SIGLEC15: variants seen among roughly 807,000 people sequenced by gnomAD.
SIGLEC15 encodes the protein sialic acid-binding Ig-like lectin 15.
Under a neutral mutation model 26.2 loss-of-function variants are expected in SIGLEC15, and 31 were observed. That is an observed-to-expected ratio of 1.18 (90% CI 0.89 to 1.60). The LOEUF (loss-of-function observed/expected upper bound fraction) is 1.60. SIGLEC15 is among the 40% of genes most tolerant of loss of function. SIGLEC15 has a pLI of 0.00. For missense variants in SIGLEC15, 501 were observed against 488.4 expected, an observed-to-expected ratio of 1.03 and a Z score of -0.24; for synonymous variants, 207 against 221.9, an observed-to-expected ratio of 0.93 and a Z score of 0.60.
intron 1 of SIGLEC15, among the ~76,000 whole-genome samples, chr18:45,835,815 C>T (rs545439167): frequency 6.6e-6 from 1 of 152,278 alleles, no homozygotes; most frequent in East Asian, 1.9e-4. Flanking sequence ...ACCTAGAGCA[C>T]ACACCTGGAG....
chr18:45,839,234 T>G, intron 4 of SIGLEC15, 139 bp downstream of exon 4: 1 of 1,201,908 alleles, frequency 8.3e-7, no homozygotes, highest in Non-Finnish European at 1.1e-6. Context: ...CTTTCCTCTC[T>G]TTGCATGAAG....
At chr18:45,838,392 C>G (rs933170956) in intron 3 of SIGLEC15, 6 of 451,588 alleles carry the variant, frequency 1.3e-5, no homozygotes, top group Admixed American at 4.2e-5. Context: ...CTCTAGCCCC[C>G]ACCCTGCTCT....
At chr18:45,828,973 G>C in intron 1 of SIGLEC15, 4 of 425,714 alleles carry the variant, frequency 9.4e-6, no homozygotes, top group Non-Finnish European at 1.3e-5. Context: ...TCTCCCAGTG[G>C]CTGTTGTGAG....
At chr18:45,840,104 C>T in intron 4 of SIGLEC15, 107 bp from the exon 5 acceptor site, 1 of 1,271,896 alleles carries the variant, frequency 7.9e-7, no homozygotes. Flanking sequence ...GCTTCAAAAA[C>T]AGTGGTTTCC....
chr18:45,838,993 G>T lies in SIGLEC15; in HGVS notation c.772G>T (p.Ala258Ser), dbSNP rs780619857. 6.3e-7 allele frequency: 1 copy of T among 1,597,094 alleles called. No individual in the cohort carries two copies. The highest frequency in any genetic ancestry group is 1.7e-5 in the Admixed American group (1 of 59,404). Residue 258 changes from alanine (A) to serine (S), a missense_variant, in exon 4 of 6, where the codon GCC (alanine) becomes TCC (serine). Physicochemically the swap from Ala to Ser is moderately conservative, Grantham distance 99. Coordinates refer to ENST00000389474, the MANE Select transcript of SIGLEC15 (RefSeq NM_213602.3). The part of the protein sequence containing the change: ...ASVYLFRFHG[A>S]SGASTVALLL... ...CGTCTACCTGTTCCGCTTCCATGGCGCCAGCGGGGCCTCGACGGTCGCCCT... is the reference window on the plus strand; with the variant it reads ...CGTCTACCTGTTCCGCTTCCATGGCTCCAGCGGGGCCTCGACGGTCGCCCT...
In SIGLEC15 at chr18:45,828,115, G is replaced by C. The variant is rs530645418; in HGVS notation, c.52+2335G>C. Among the ~76,000 whole-genome samples, 3 of 152,292 alleles carry C rather than the reference G, an allele frequency of 2.0e-5. No individual in the cohort carries two copies. In the South Asian group the frequency reaches 6.2e-4, roughly 32 times the overall value. ...CTCAGCCAGAAGACATCCAGGCCAC[G>C]GCCTGGGCAGGAGGCCCGAGGAGCA... On this transcript the variant is annotated intron_variant, in intron 1 of 5. Coordinates refer to ENST00000389474, the MANE Select transcript of SIGLEC15 (RefSeq NM_213602.3).
At position 45,837,059 on chromosome 18, in the gene SIGLEC15, C is replaced by T. The variant is rs1465209835; in HGVS notation, c.83C>T (p.Thr28Met). ...GSFVRTKIDT[T>M]ENLLNTEVHS... ...TTTGTGAGAACTAAAATAGATACTA[C>T]GGAGAACTTGCTCAACACAGAGGTG... Residue 28 changes from threonine (T) to methionine (M), a missense_variant, in exon 2 of 6, where the codon ACG (threonine) becomes ATG (methionine). By Grantham distance (81) the Thr-to-Met change is moderately conservative. Transcript: ENST00000389474. 8 of 1,568,944 alleles carry T rather than the reference C, an allele frequency of 5.1e-6. No individual in the cohort carries two copies. The highest frequency in any genetic ancestry group is 7.0e-6 in the Non-Finnish European group (8 of 1,139,206).
rs78592672 is a variant in SIGLEC15, at chr18:45,838,753, A to G, written c.532A>G (p.Ser178Gly). 8.0e-3 allele frequency: 12,710 copies of G among 1,582,662 alleles called. 478 individuals are homozygous for G. In the African/African-American group the frequency reaches 0.11, roughly 14 times the overall value. The change falls in exon 4 of 6, where the codon AGT becomes GGT. Residue 178 changes from serine (S) to glycine (G), a missense_variant. Transcript: ENST00000389474. ...PRIVNISVLPSPAHAFRALCT... is the reference protein window; with the variant it reads ...PRIVNISVLPGPAHAFRALCT... ...GATCGTCAACATCTCGGTGCTGCCCAGTCCGGCTCACGCCTTCCGCGCGCT... is the reference window on the plus strand; with the variant it reads ...GATCGTCAACATCTCGGTGCTGCCCGGTCCGGCTCACGCCTTCCGCGCGCT...
Position 45,842,290 on chromosome 18 carries a change from GC to G in SIGLEC15, c.*108del. 7.6e-7 allele frequency: 1 copy of G among 1,322,768 alleles called. No individual in the cohort carries two copies. The highest frequency in any genetic ancestry group is 1.1e-6 in the Non-Finnish European group (1 of 927,474). 81.9% of individuals were successfully genotyped at this position (1,322,768 alleles called of 1,614,324 possible). A position where few individuals can be genotyped will look rare whatever the true frequency, so the allele number is the denominator to read the frequency against. On this transcript the variant is annotated 3_prime_UTR_variant, in exon 6 of 6. Coordinates refer to ENST00000389474, the MANE Select transcript of SIGLEC15 (RefSeq NM_213602.3). Reference sequence around the variant, plus strand: ...GTCCTGGTTCTCGGGCACCTTGGCAGCCCCCAGCTGGGTGGCTCCTCCCCTG... The same window carrying G: ...GTCCTGGTTCTCGGGCACCTTGGCAGCCCCAGCTGGGTGGCTCCTCCCCTG...
rs199680905 is a variant in SIGLEC15, at chr18:45,825,723, C to T, written c.-6C>T. The T allele has an allele frequency of 3.8e-5, 62 of 1,614,088 alleles. No homozygotes were observed. The highest frequency in any genetic ancestry group is 4.9e-5 in the Non-Finnish European group (58 of 1,180,022). ...GTCTGGCCTGGGGTGTTCAGATGCT[C>T]ACAGCATGGAAAAGTCCATCTGGCT... On this transcript the variant is annotated 5_prime_UTR_variant, in exon 1 of 6. Transcript: ENST00000389474.
At chr18:45,828,350 C>A (rs1298836966) in intron 1 of SIGLEC15, among the ~76,000 whole-genome samples, 3 of 152,202 alleles carry the variant, frequency 2.0e-5, no homozygotes, top group African/African-American at 7.2e-5. Context: ...CAGTGCCCAG[C>A]AGCCCCTAAT....
chr18:45,838,419 C>T (rs2048294604), intron 3 of SIGLEC15: 1 of 491,882 alleles, frequency 2.0e-6, no homozygotes, highest in Non-Finnish European at 3.5e-6. Context: ...ATAATGGCCA[C>T]TTAGCATTTG....
rs1262830353 is a variant in SIGLEC15, at chr18:45,842,881, G to A, written c.*694G>A. The A allele has an allele frequency of 6.6e-6, 1 of 152,492 alleles. No homozygotes were observed. Among genetic ancestry groups the A allele is most frequent in the Admixed American group, 6.5e-5 (1 of 15,296 alleles). The allele number at this position is 152,492 out of a possible 1,614,324, so 9.4% of individuals were successfully genotyped here. A position where few individuals can be genotyped will look rare whatever the true frequency, so the allele number is the denominator to read the frequency against. On this transcript the variant is annotated 3_prime_UTR_variant, in exon 6 of 6. Transcript: ENST00000389474. ...ACACAGAGTTCCAGAGAGCAAGCCT[G>A]GGGCAGGGGCTGTGCAAACGTGTGG...
chr18:45,829,280 C>G, intron 1 of SIGLEC15: 3 of 445,726 alleles, frequency 6.7e-6, no homozygotes, highest in Non-Finnish European at 8.9e-6. Flanking sequence ...GACCAGCTGG[C>G]CTTTCACTCA....
chr18:45,841,579 G>T (rs530209652), intron 5 of SIGLEC15, among the ~76,000 whole-genome samples: 17 of 152,292 alleles, frequency 1.1e-4, no homozygotes, highest in African/African-American at 3.8e-4. Flanking sequence ...GGTGGCGGTG[G>T]GGAAGTGGGT....
chr18:45,837,809 G>A lies in SIGLEC15; in HGVS notation c.409G>A (p.Asp137Asn). The stretch of plus-strand genomic sequence containing the variant: ...CGTCGAGCGCCTCGCCCTGGCTGAC[G>A]ACCGCCGCTACTTCTGCCGCGTCGA... Reference protein sequence around the residue: ...LRVERLALADDRRYFCRVEFA... With the variant: ...LRVERLALADNRRYFCRVEFA... The change falls in exon 3 of 6, where the codon GAC (aspartate) becomes AAC (asparagine). Residue 137 changes from aspartate (D) to asparagine (N), a missense_variant. Coordinates refer to ENST00000389474, the MANE Select transcript of SIGLEC15 (RefSeq NM_213602.3). 4 of 1,526,406 alleles carry A rather than the reference G, an allele frequency of 2.6e-6. No homozygotes were observed. Among genetic ancestry groups the A allele is most frequent in the Middle Eastern group, 2.1e-4 (1 of 4,812 alleles). 94.6% of individuals were successfully genotyped at this position (1,526,406 alleles called of 1,614,324 possible). A position where few individuals can be genotyped will look rare whatever the true frequency, so the allele number is the denominator to read the frequency against.
chr18:45,838,729 A>G lies in SIGLEC15; in HGVS notation c.508A>G (p.Ile170Val). Residue 170 changes from isoleucine to valine, a missense_variant, in exon 4 of 6, where the codon ATC becomes GTC. Coordinates refer to ENST00000389474, the MANE Select transcript of SIGLEC15 (RefSeq NM_213602.3). ...VRLHVTAAPRIVNISVLPSPA... is the reference protein window; with the variant it reads ...VRLHVTAAPRVVNISVLPSPA... Reference sequence around the variant, plus strand: ...CTTCTCCCCTGCAGCCGCGCCGCGGATCGTCAACATCTCGGTGCTGCCCAG... The same window carrying G: ...CTTCTCCCCTGCAGCCGCGCCGCGGGTCGTCAACATCTCGGTGCTGCCCAG... 1 of 1,577,404 alleles carries G rather than the reference A, an allele frequency of 6.3e-7. No individual in the cohort carries two copies. The highest frequency in any genetic ancestry group is 2.3e-5 in the East Asian group (1 of 43,522).
intron 4 of SIGLEC15, 26 bp from the exon 5 acceptor site, chr18:45,840,185 C>G (rs200018273): frequency 8.4e-5 from 136 of 1,612,664 alleles, no homozygotes; most frequent in Admixed American, 1.7e-4. Flanking sequence ...AGATTCATGC[C>G]TGCTCTCTTG....
Position 45,837,588 on chromosome 18 carries a change from C to T in SIGLEC15, c.188C>T (p.Pro63Leu). 1 of 1,513,528 alleles carries T rather than the reference C, an allele frequency of 6.6e-7. No individual in the cohort carries two copies. Among genetic ancestry groups the T allele is most frequent in the Non-Finnish European group, 8.8e-7 (1 of 1,138,376 alleles). The allele number at this position is 1,513,528 out of a possible 1,614,324, so 93.8% of individuals were successfully genotyped here. Residue 63 changes from proline (P) to leucine (L), a missense_variant, in exon 3 of 6, where the codon CCC becomes CTC. Physicochemically the swap from Pro to Leu is moderately conservative, Grantham distance 98. Coordinates refer to ENST00000389474, the MANE Select transcript of SIGLEC15 (RefSeq NM_213602.3). ...SAEAGDAAVL[P>L]CTFTHPHRHY... ...GAGGCAGGCGACGCGGCAGTGCTGC[C>T]CTGCACCTTCACGCACCCGCACCGC...
Sources: allele counts gnomAD v4.1 joint callset (sites outside exome capture counted in the v4.1 genomes callset), GRCh38; gene constraint gnomAD v4.1.1; transcripts MANE v1.5; gene names NCBI Gene and HGNC (gene_info 2026-07-23, HGNC 2026-07-21).